BICRA: variants seen among roughly 807,000 people sequenced by gnomAD.
BICRA encodes BRD4-interacting chromatin-remodeling complex-associated protein.
A neutral mutation model predicts 96.9 loss-of-function variants in BICRA; 31 were observed. The observed-to-expected ratio is 0.32, with a 90% CI of 0.24 to 0.43. The LOEUF is 0.43. Ranked by LOEUF, BICRA falls within the 20% of genes least tolerant of loss-of-function variation. BICRA has a pLI of 1.00. For missense variants in BICRA, 2,283 were observed against 2,190.3 expected, an observed-to-expected ratio of 1.04 and a Z score of -0.84; for synonymous variants, 1,350 against 1,071.8, an observed-to-expected ratio of 1.26 and a Z score of -5.07.
chr19:47,700,491 A>G (rs974835283), intron 14 of BICRA: 2 of 152,220 alleles, frequency 1.3e-5, no homozygotes, highest in African/African-American at 4.8e-5. Flanking sequence ...GAGATAAATC[A>G]TGACCATAAA....
intron 10 of BICRA, among the ~76,000 whole-genome samples, chr19:47,696,105 G>A (rs547220634): frequency 2.0e-5 from 3 of 152,236 alleles, no homozygotes; most frequent in South Asian, 2.1e-4. Flanking sequence ...GAGACTGTGC[G>A]AGGCAGGGGC....
chr19:47,616,638 CAA>C (rs755153037), intron 1 of BICRA, among the ~76,000 whole-genome samples: 11 of 124,642 alleles, frequency 8.8e-5, no homozygotes, highest in African/African-American at 8.9e-5. Context: ...GACTCTGTCT[CAA>C]AAAAAAAAAA....
chr19:47,697,246 G>GGT (rs1303619895), intron 11 of BICRA, among the ~76,000 whole-genome samples: 2 of 151,684 alleles, frequency 1.3e-5, no homozygotes, highest in Non-Finnish European at 2.9e-5. Context: ...GGCCTCCCAA[G>GGT]GTGCTGGGAT....
intron 11 of BICRA, among the ~76,000 whole-genome samples, chr19:47,697,454 G>A (rs1443924792): frequency 6.6e-6 from 1 of 151,418 alleles, no homozygotes; most frequent in Admixed American, 6.6e-5. Context: ...TTACTATGTT[G>A]CCCAGGCTGG....
chr19:47,637,605 C>T (rs1972318943), intron 1 of BICRA, among the ~76,000 whole-genome samples: 1 of 152,144 alleles, frequency 6.6e-6, no homozygotes, highest in Non-Finnish European at 1.5e-5. Context: ...TTAGTATCTC[C>T]ACAGAGTTGT....
chr19:47,639,608 G>A (rs576535258), intron 1 of BICRA, among the ~76,000 whole-genome samples: 6 of 148,700 alleles, frequency 4.0e-5, no homozygotes, highest in Admixed American at 6.8e-5. Context: ...GATTACAGGC[G>A]TGAGCCACCG....
intron 1 of BICRA, among the ~76,000 whole-genome samples, chr19:47,657,481 C>G (rs970491589): frequency 6.6e-6 from 1 of 151,634 alleles, no homozygotes; most frequent in Non-Finnish European, 1.5e-5. Context: ...ACTGCAAGCT[C>G]CGCCTCACAG....
Position 47,694,696 on chromosome 19 carries a change from G to A in BICRA, c.2865G>A (p.Gln955=), listed in dbSNP as rs771341052. 3.8e-6 allele frequency: 6 copies of A among 1,566,958 alleles called. No homozygotes were observed. Among genetic ancestry groups the A allele is most frequent in the Admixed American group, 1.7e-5 (1 of 57,860 alleles). ...CCACCCCCTTCCCAGCGCTGCCCCA[G>A]CCGAAGGCTCTTCTCGAGAGATTTC... The part of the protein sequence containing the change: ...MVTTPFPALP[Q]PKALLERFHQ... The change falls in exon 8 of 15, where the codon CAG becomes CAA. Residue 955 remains glutamine (Q), a synonymous_variant. Coordinates refer to ENST00000594866, the MANE Select transcript of BICRA (RefSeq NM_001394372.1).
At chr19:47,646,450 C>CGT (rs1568556199) in intron 1 of BICRA, among the ~76,000 whole-genome samples, 5 of 152,164 alleles carry the variant, frequency 3.3e-5, no homozygotes, top group African/African-American at 7.2e-5. Context: ...CACACGTGTG[C>CGT]GCGCACACAC....
intron 2 of BICRA, among the ~76,000 whole-genome samples, chr19:47,673,079 C>A (rs1002923694): frequency 5.9e-5 from 9 of 152,118 alleles, no homozygotes; most frequent in African/African-American, 1.7e-4. Context: ...AGGACAGACC[C>A]CCACCACACG....
chr19:47,693,837 G>A lies in BICRA; in HGVS notation c.2284-278G>A, dbSNP rs563962757. Reference sequence around the variant, plus strand: ...TTTGTCTGGGGAACTGCGAGGGGTGGGGGGAATGGGGCAGAAGTGGGGTTG... The same window carrying A: ...TTTGTCTGGGGAACTGCGAGGGGTGAGGGGAATGGGGCAGAAGTGGGGTTG... On this transcript the variant is annotated intron_variant, in intron 7 of 14. Coordinates refer to ENST00000594866, the MANE Select transcript of BICRA (RefSeq NM_001394372.1). Among the ~76,000 whole-genome samples the A allele has an allele frequency of 3.3e-5, 5 of 152,312 alleles. No individual in the cohort carries two copies. The South Asian group carries it at 1.0e-3, about 32-fold the overall frequency.
At chr19:47,694,747 C>T (rs1973306340) in intron 8 of BICRA, 21 bp downstream of exon 8, 6 of 1,266,294 alleles carry the variant, frequency 4.7e-6, no homozygotes, top group Non-Finnish European at 5.6e-6. Context: ...GCAGGGACTG[C>T]CCGCCCCATC....
At chr19:47,661,828 A>G (rs1972709480) in intron 1 of BICRA, 1 of 152,304 alleles carries the variant, frequency 6.6e-6, no homozygotes, top group African/African-American at 2.4e-5. Context: ...AGCTGTCACT[A>G]CATAACACAC....
intron 1 of BICRA, among the ~76,000 whole-genome samples, chr19:47,625,314 T>TA (rs61485669): frequency 1.6e-4 from 24 of 149,602 alleles, no homozygotes; most frequent in African/African-American, 4.9e-4. Flanking sequence ...TTTTTTTTTT[T>TA]AAGAGACAGG....
intron 1 of BICRA, among the ~76,000 whole-genome samples, chr19:47,667,229 A>G (rs890902238): frequency 4.6e-5 from 7 of 151,834 alleles, no homozygotes; most frequent in Non-Finnish European, 7.4e-5. Context: ...CATTCACACA[A>G]TGGTCTCGAT....
chr19:47,635,374 A>G (rs1231352830), intron 1 of BICRA, among the ~76,000 whole-genome samples: 2 of 151,922 alleles, frequency 1.3e-5, no homozygotes, highest in African/African-American at 2.4e-5. Context: ...CACTCTATCA[A>G]GTAGGCGGGA....
chr19:47,614,298 C>T (rs1971952689), intron 1 of BICRA, among the ~76,000 whole-genome samples: 1 of 152,026 alleles, frequency 6.6e-6, no homozygotes, highest in Admixed American at 6.6e-5. Context: ...TGTGCATGTA[C>T]TTTTATATAT....
At chr19:47,685,684 A>G (rs1599856160) in intron 7 of BICRA, among the ~76,000 whole-genome samples, 3 of 146,588 alleles carry the variant, frequency 2.0e-5, no homozygotes, top group Admixed American at 6.9e-5. Context: ...CCGAACTCCA[A>G]CCCCTGCACT....
chr19:47,623,498 C>G (rs569936459), intron 1 of BICRA, among the ~76,000 whole-genome samples: 1 of 152,204 alleles, frequency 6.6e-6, no homozygotes, highest in Non-Finnish European at 1.5e-5. Context: ...CTGGGATTTT[C>G]GTCCTCCTGG....
Sources: gnomAD v4.1 joint callset for allele counts (sites outside exome capture counted in the v4.1 genomes callset) on GRCh38, gnomAD v4.1.1 for gene constraint, MANE v1.5 for transcripts, NCBI Gene and HGNC (gene_info 2026-07-23, HGNC 2026-07-21) for gene names.